The following CNTNAP5 variants were observed in gnomAD, a reference collection of about 807,000 sequenced individuals.
CNTNAP5 encodes the protein contactin-associated protein-like 5.
CNTNAP5 carries 72 observed loss-of-function variants against 150.2 expected under a neutral mutation model. The observed-to-expected ratio is 0.48, with a 90% CI of 0.40 to 0.58. The LOEUF is 0.58. Ranked by LOEUF, CNTNAP5 falls within the 20% of genes least tolerant of loss-of-function variation. CNTNAP5 has a pLI of 0.00. For synonymous variants in CNTNAP5, 672 were observed against 619.8 expected, an observed-to-expected ratio of 1.08 and a Z score of -1.25; for missense variants, 1,636 against 1,626.2, an observed-to-expected ratio of 1.01 and a Z score of -0.10.
At chr2:124,433,169 C>T (rs906433484) in intron 4 of CNTNAP5, among the ~76,000 whole-genome samples, 1 of 152,116 alleles carries the variant, frequency 6.6e-6, no homozygotes, top group African/African-American at 2.4e-5. Flanking sequence ...TGGTCTGTGG[C>T]CCCACTTTGG....
At chr2:124,802,517 G>A (rs1479224892) in intron 19 of CNTNAP5, among the ~76,000 whole-genome samples, 1 of 152,170 alleles carries the variant, frequency 6.6e-6, no homozygotes. Flanking sequence ...GAGTTGTTAG[G>A]AAAGAGAAGG....
chr2:124,682,932 T>C (rs1289517570), intron 13 of CNTNAP5, among the ~76,000 whole-genome samples: 1 of 152,236 alleles, frequency 6.6e-6, no homozygotes, highest in African/African-American at 2.4e-5. Context: ...ACTCTGCAAA[T>C]ATTTACTTAC....
chr2:124,455,652 T>G (rs909280094), intron 6 of CNTNAP5, among the ~76,000 whole-genome samples: 4 of 152,104 alleles, frequency 2.6e-5, no homozygotes, highest in Non-Finnish European at 4.4e-5. Context: ...TGAACATAGA[T>G]GCAAAAATCC....
At chr2:124,752,055 A>C (rs1022298729) in intron 14 of CNTNAP5, among the ~76,000 whole-genome samples, 8 of 152,102 alleles carry the variant, frequency 5.3e-5, no homozygotes, top group Non-Finnish European at 7.4e-5. Context: ...GGAGCTGCTA[A>C]TGTTGGAGTT....
chr2:124,473,860 G>T (rs529827945), intron 6 of CNTNAP5, among the ~76,000 whole-genome samples: 2 of 152,116 alleles, frequency 1.3e-5, no homozygotes, highest in African/African-American at 4.8e-5. Context: ...AAGGCAATTT[G>T]TGTTAATACT....
intron 19 of CNTNAP5, among the ~76,000 whole-genome samples, chr2:124,832,134 T>C (rs1415954126): frequency 1.3e-5 from 2 of 152,078 alleles, no homozygotes; most frequent in African/African-American, 2.4e-5. Context: ...GAGGCAAATA[T>C]AGAACTGTCT....
At chr2:124,307,482 C>T (rs1000057067) in intron 3 of CNTNAP5, among the ~76,000 whole-genome samples, 17 of 152,210 alleles carry the variant, frequency 1.1e-4, no homozygotes, top group Admixed American at 6.5e-4. Context: ...TCTCCTAGAA[C>T]TCATCTTGCT....
intron 1 of CNTNAP5, among the ~76,000 whole-genome samples, chr2:124,203,944 T>C (rs941709500): frequency 6.6e-6 from 1 of 152,220 alleles, no homozygotes; most frequent in African/African-American, 2.4e-5. Flanking sequence ...TTATGCAAAT[T>C]TCTGCAGCTG....
At chr2:124,842,355 C>T (rs190950588) in intron 19 of CNTNAP5, among the ~76,000 whole-genome samples, 1 of 152,088 alleles carries the variant, frequency 6.6e-6, no homozygotes, top group Non-Finnish European at 1.5e-5. Flanking sequence ...AAAGGGCAGG[C>T]CTGAACCAAG....
rs187141233 is a variant in CNTNAP5, at chr2:124,063,110, T to C, written c.82+37378T>C. On this transcript the variant is annotated intron_variant, in intron 1 of 23. Coordinates refer to ENST00000682447, the MANE Select transcript of CNTNAP5 (RefSeq NM_001367498.1). ...TGTTCCAGCAAAAAGATCAAGGGAA[T>C]ATTGGGGGCAGTAAAATCTGTTTTG... Among the ~76,000 whole-genome samples the C allele has an allele frequency of 4.2e-3, 634 of 152,198 alleles. 7 individuals carry two copies. Among genetic ancestry groups the C allele is most frequent in the Non-Finnish European group, 6.9e-3 (470 of 67,988 alleles).
At chr2:124,049,818 C>T (rs1449016442) in intron 1 of CNTNAP5, among the ~76,000 whole-genome samples, 1 of 152,166 alleles carries the variant, frequency 6.6e-6, no homozygotes. Context: ...CTGGAGAATC[C>T]TAATCAAACT....
At chr2:124,828,912 A>G (rs1375291641) in intron 19 of CNTNAP5, among the ~76,000 whole-genome samples, 3 of 151,878 alleles carry the variant, frequency 2.0e-5, no homozygotes, top group African/African-American at 7.3e-5. Context: ...CAGCTTACAT[A>G]TGGGGGTGGG....
At chr2:124,331,867 T>A (rs1007523921) in intron 3 of CNTNAP5, among the ~76,000 whole-genome samples, 9 of 152,030 alleles carry the variant, frequency 5.9e-5, no homozygotes, top group Admixed American at 1.3e-4. Flanking sequence ...ACAATTTTTT[T>A]AATTTTAATC....
intron 13 of CNTNAP5, among the ~76,000 whole-genome samples, chr2:124,664,981 C>G (rs2105049774): frequency 6.6e-6 from 1 of 152,344 alleles, no homozygotes; most frequent in South Asian, 2.1e-4. Context: ...GCCACTGCAC[C>G]TGGCCAGGAA....
chr2:124,280,085 T>C (rs2104621905), intron 3 of CNTNAP5, among the ~76,000 whole-genome samples: 1 of 152,130 alleles, frequency 6.6e-6, no homozygotes, highest in South Asian at 2.1e-4. Context: ...TTTCAAGACC[T>C]GATTGTCATC....
chr2:124,671,343 C>A (rs1173543979), intron 13 of CNTNAP5, among the ~76,000 whole-genome samples: 9 of 152,130 alleles, frequency 5.9e-5, no homozygotes, highest in Non-Finnish European at 1.3e-4. Flanking sequence ...TAAGAAACAG[C>A]AATTCTACAT....
At chr2:124,627,096 C>G (rs6751507) in intron 12 of CNTNAP5, among the ~76,000 whole-genome samples, 79,559 of 152,014 alleles carry the variant, frequency 0.52, 21,959 homozygotes, top group Non-Finnish European at 0.62. Context: ...CCCTGAGACC[C>G]AGCATCTGCG....
At chr2:124,260,662 TC>T (rs1450751798) in intron 3 of CNTNAP5, among the ~76,000 whole-genome samples, 1 of 151,816 alleles carries the variant, frequency 6.6e-6, no homozygotes, top group African/African-American at 2.4e-5. Flanking sequence ...AACTCAAATA[TC>T]CGGTAATACT....
At chr2:124,847,799 T>C (rs566766134) in intron 19 of CNTNAP5, among the ~76,000 whole-genome samples, 69 of 152,310 alleles carry the variant, frequency 4.5e-4, no homozygotes, top group Non-Finnish European at 7.8e-4. Context: ...ATCTAATTCT[T>C]TTCTGTTCTA....
Sources: gnomAD v4.1 joint callset for allele counts (sites outside exome capture counted in the v4.1 genomes callset) on GRCh38, gnomAD v4.1.1 for gene constraint, MANE v1.5 for transcripts, NCBI Gene and HGNC (gene_info 2026-07-23, HGNC 2026-07-21) for gene names.